Variants in SMYD3 observed in about 807,000 individuals in gnomAD.
SMYD3 encodes SET and MYND domain containing 3, also known as histone-lysine N-methyltransferase SMYD3.
Under a neutral mutation model 57.7 loss-of-function variants are expected in SMYD3, and 36 were observed. The observed-to-expected ratio is 0.62, with a 90% confidence interval of 0.48 to 0.82. The LOEUF is 0.82. SMYD3 is among the 40% of genes least tolerant of loss of function. The pLI, the probability that SMYD3 is intolerant of heterozygous loss-of-function variation, is 0.00. For synonymous variants in SMYD3, 211 were observed against 195.0 expected, an observed-to-expected ratio of 1.08 and a Z score of -0.68; for missense variants, 515 against 538.8, an observed-to-expected ratio of 0.96 and a Z score of 0.44.
intron 5 of SMYD3, among the ~76,000 whole-genome samples, chr1:246,081,034 C>T (rs1416082): frequency 0.21 from 30,476 of 147,940 alleles, 3,525 homozygotes; most frequent in East Asian, 0.4. Flanking sequence ...GATAAGTTAC[C>T]ACTTTGTTTG....
chr1:245,843,538 A>G (rs2050506998), intron 10 of SMYD3, among the ~76,000 whole-genome samples: 1 of 74,802 alleles, frequency 1.3e-5, no homozygotes, highest in African/African-American at 8.1e-5. Flanking sequence ...GTGTATATAT[A>G]TATGTGTGTG....
At chr1:246,218,224 C>T (rs546124852) in intron 5 of SMYD3, among the ~76,000 whole-genome samples, 3 of 137,916 alleles carry the variant, frequency 2.2e-5, no homozygotes, top group African/African-American at 5.2e-5. Flanking sequence ...TACAAGAAAA[C>T]CTGTTAAAAA....
intron 5 of SMYD3, among the ~76,000 whole-genome samples, chr1:246,239,882 T>C (rs1032841511): frequency 2.0e-5 from 3 of 152,262 alleles, no homozygotes; most frequent in Admixed American, 1.3e-4. Context: ...GCTGCATAAA[T>C]GTCTTCTTTT....
intron 5 of SMYD3, among the ~76,000 whole-genome samples, chr1:246,090,738 G>A (rs772708604): frequency 7.9e-5 from 12 of 151,858 alleles, no homozygotes; most frequent in South Asian, 2.1e-4. Flanking sequence ...GGCTGGTCTC[G>A]AACTCCTGAC....
At chr1:246,135,909 T>C (rs113879709) in intron 5 of SMYD3, among the ~76,000 whole-genome samples, 2,955 of 152,260 alleles carry the variant, frequency 0.019, 119 homozygotes, top group African/African-American at 0.066. Context: ...GCCTCTAGGA[T>C]TGTATAATGT....
intron 5 of SMYD3, among the ~76,000 whole-genome samples, chr1:246,067,593 C>T (rs2060364273): frequency 6.6e-6 from 1 of 152,254 alleles, no homozygotes; most frequent in Middle Eastern, 3.4e-3. Flanking sequence ...GCTGCGCCCA[C>T]ACACACTAAT....
At chr1:245,902,290 A>C (rs568598817) in intron 8 of SMYD3, among the ~76,000 whole-genome samples, 2 of 152,280 alleles carry the variant, frequency 1.3e-5, no homozygotes, top group South Asian at 4.1e-4. Context: ...ATTTTCCTCA[A>C]AGCATGGGAG....
intron 5 of SMYD3, among the ~76,000 whole-genome samples, chr1:246,001,527 A>T (rs2059043590): frequency 9.4e-6 from 1 of 106,948 alleles, no homozygotes; most frequent in African/African-American, 2.5e-5. Flanking sequence ...TTTTTACATT[A>T]GCCACCCTTG....
intron 5 of SMYD3, among the ~76,000 whole-genome samples, chr1:246,225,321 CAAAA>C (rs60915002): frequency 2.6e-5 from 2 of 76,254 alleles, no homozygotes; most frequent in Admixed American, 1.4e-4. Flanking sequence ...GCTGAAAAGT[CAAAA>C]AAAAAAAAAA....
chr1:245,945,637 A>T (rs2057405617), intron 5 of SMYD3, among the ~76,000 whole-genome samples: 1 of 152,236 alleles, frequency 6.6e-6, no homozygotes, highest in Non-Finnish European at 1.5e-5. Context: ...AAGAAATATA[A>T]GTTATTCTAC....
At chr1:246,058,303 G>C (rs765146350) in intron 5 of SMYD3, among the ~76,000 whole-genome samples, 1 of 152,294 alleles carries the variant, frequency 6.6e-6, no homozygotes, top group Admixed American at 6.5e-5. Context: ...GAGAATGAGG[G>C]AGGCTGTGTG....
chr1:245,992,384 G>A lies in SMYD3; in HGVS notation c.532-62447C>T, dbSNP rs150086953. Among the ~76,000 whole-genome samples the A allele has an allele frequency of 3.4e-3, 515 of 152,326 alleles. 2 individuals are homozygous for A. Among genetic ancestry groups the A allele is most frequent in the African/African-American group, 0.011 (466 of 41,544 alleles). Reference sequence around the variant, plus strand: ...GGGAGTGCCCAAGGGTGTGAACCTCGGGATGCAGGAATCATTGGGATCAGG... The same window carrying A: ...GGGAGTGCCCAAGGGTGTGAACCTCAGGATGCAGGAATCATTGGGATCAGG... On this transcript the variant is annotated intron_variant, in intron 5 of 11. Coordinates refer to ENST00000490107, the MANE Select transcript of SMYD3 (RefSeq NM_001167740.2).
intron 2 of SMYD3, among the ~76,000 whole-genome samples, chr1:246,348,060 T>TATATATATATATATATATATATATATA (rs1173574600): frequency 1.1e-4 from 9 of 83,006 alleles, no homozygotes; most frequent in African/African-American, 2.5e-4. Flanking sequence ...AAAGAAAACG[T>TATATATATATATATATATATATATATA]TATATATATA....
At chr1:246,190,380 T>A (rs939437164) in intron 5 of SMYD3, among the ~76,000 whole-genome samples, 6 of 151,634 alleles carry the variant, frequency 4.0e-5, no homozygotes, top group Non-Finnish European at 5.9e-5. Flanking sequence ...AGGTCAGGAG[T>A]TCGAGACCAG....
intron 5 of SMYD3, among the ~76,000 whole-genome samples, chr1:246,308,187 T>C (rs866173992): frequency 1.8e-4 from 27 of 152,194 alleles, no homozygotes; most frequent in African/African-American, 6.3e-4. Flanking sequence ...TATAACTATA[T>C]TTATTTATAT....
At chr1:245,931,344 C>A (rs1041686085) in intron 5 of SMYD3, among the ~76,000 whole-genome samples, 4 of 152,182 alleles carry the variant, frequency 2.6e-5, no homozygotes, top group African/African-American at 7.2e-5. Flanking sequence ...GCACAGCCAA[C>A]AGGCCTTACT....
rs181707544 is a variant in SMYD3, at chr1:245,761,863, G to A, written c.1185+2178C>T. On this transcript the variant is annotated intron_variant, in intron 11 of 11. Coordinates refer to ENST00000490107, the MANE Select transcript of SMYD3 (RefSeq NM_001167740.2). Reference sequence around the variant, plus strand: ...TGCAATGGTGCAATCTTGGCTCACTGTAACCTCTGCCGCCTGGGTTAAAGC... The same window carrying A: ...TGCAATGGTGCAATCTTGGCTCACTATAACCTCTGCCGCCTGGGTTAAAGC... 2.8e-4 allele frequency among the ~76,000 whole-genome samples: 39 copies of A among 140,672 alleles called. No individual in the cohort carries two copies. The East Asian group carries it at 7.1e-3, about 25-fold the overall frequency. 92.3% of individuals were successfully genotyped at this position (140,672 alleles called of 152,430 possible). A position where few individuals can be genotyped will look rare whatever the true frequency, so the allele number is the denominator to read the frequency against.
chr1:245,942,983 C>A (rs1456059961), intron 5 of SMYD3, among the ~76,000 whole-genome samples: 3 of 151,972 alleles, frequency 2.0e-5, no homozygotes, highest in Admixed American at 2.0e-4. Context: ...AGAGCTAAAG[C>A]AGTGTTAAGA....
chr1:246,225,713 C>T (rs1017285240), intron 5 of SMYD3, among the ~76,000 whole-genome samples: 6 of 152,208 alleles, frequency 3.9e-5, no homozygotes, highest in African/African-American at 1.4e-4. Context: ...TACGGATCTA[C>T]AACATACATA....
Sources: gnomAD v4.1 joint callset for allele counts (sites outside exome capture counted in the v4.1 genomes callset) on GRCh38, gnomAD v4.1.1 for gene constraint, MANE v1.5 for transcripts, NCBI Gene and HGNC (gene_info 2026-07-23, HGNC 2026-07-21) for gene names.